Variants in FBXO3 observed in about 807,000 individuals in gnomAD.
FBXO3 encodes F-box only protein 3.
In FBXO3, 17 loss-of-function variants were observed where a neutral mutation model predicts 64.8. The ratio of observed to expected loss-of-function variants is 0.26; its 90% CI spans 0.18 to 0.39. The LOEUF (loss-of-function observed/expected upper bound fraction) is 0.39, where lower values mean the gene tolerates loss of function less well. Ranked by LOEUF, FBXO3 falls within the 10% of genes least tolerant of loss-of-function variation. The probability of loss-of-function intolerance (pLI) is 1.00; values close to 1 mark genes in which losing one functional copy is unlikely to be tolerated. For synonymous variants in FBXO3, 182 were observed against 201.6 expected (o/e 0.90, Z 0.82); for missense variants, 420 against 589.9 (o/e 0.71, Z 2.98).
chr11:33,755,641 TAGAG>T, intron 5 of FBXO3, 126 bp downstream of exon 5: 1 of 692,858 alleles, frequency 1.4e-6, no homozygotes, highest in Non-Finnish European at 2.5e-6. Flanking sequence ...TAACTCTAGT[TAGAG>T]AGGTCTATAA....
intron 5 of FBXO3, among the ~76,000 whole-genome samples, chr11:33,755,373 C>T (rs189506708): frequency 9.7e-4 from 147 of 152,164 alleles, no homozygotes; most frequent in African/African-American, 3.4e-3. Flanking sequence ...CTACATTTTT[C>T]GATACATCAA....
chr11:33,769,131 C>T (rs1352064480), intron 2 of FBXO3, 117 bp from the exon 3 acceptor site: 3 of 897,398 alleles, frequency 3.3e-6, no homozygotes, highest in Non-Finnish European at 4.7e-6. Flanking sequence ...TATATTTTAG[C>T]CACAAATGAA....
intron 3 of FBXO3, among the ~76,000 whole-genome samples, chr11:33,763,009 A>T (rs1326454420): frequency 2.0e-5 from 3 of 152,236 alleles, no homozygotes; most frequent in Admixed American, 2.0e-4. Flanking sequence ...ATTTGAAAAT[A>T]GATGAAGTGG....
chr11:33,770,002 T>C (rs945808304), intron 2 of FBXO3, among the ~76,000 whole-genome samples: 12 of 152,256 alleles, frequency 7.9e-5, no homozygotes, highest in Middle Eastern at 3.4e-3. Context: ...GTCCAACTCC[T>C]CAAAGGAAAT....
At chr11:33,757,681 A>AAAAAAAAAAAAAAAAAATT (rs1564990642) in intron 4 of FBXO3, among the ~76,000 whole-genome samples, 1 of 143,184 alleles carries the variant, frequency 7.0e-6, no homozygotes, top group East Asian at 2.0e-4. Context: ...AAAAAAAAAA[A>AAAAAAAAAAAAAAAAAATT]GTCTGGGTGG....
At chr11:33,763,120 C>A in intron 3 of FBXO3, 1 of 208,170 alleles carries the variant, frequency 4.8e-6, no homozygotes. Flanking sequence ...TAATTTAAAA[C>A]TTTCCTACAA....
At chr11:33,759,766 T>TA (rs928170881) in intron 3 of FBXO3, among the ~76,000 whole-genome samples, 4 of 73,528 alleles carry the variant, frequency 5.4e-5, no homozygotes, top group African/African-American at 1.2e-4. Flanking sequence ...TTATTGGAGT[T>TA]AGTAAACATG....
chr11:33,772,102 G>A (rs1301240592), intron 1 of FBXO3: 1 of 152,114 alleles, frequency 6.6e-6, no homozygotes, highest in Non-Finnish European at 1.5e-5. Context: ...AAATGGAGAG[G>A]GTATCAGATC....
rs1165245606 is a variant in FBXO3 at position 33,741,273 on chromosome 11, A to T, written c.*635T>A. The T allele has an allele frequency of 6.5e-6, 1 of 152,694 alleles. No individual in the cohort carries two copies. The highest frequency in any genetic ancestry group is 1.5e-5 in the Non-Finnish European group (1 of 68,046). The allele number at this position is 152,694 out of a possible 1,614,324, so 9.5% of individuals were successfully genotyped here. The stretch of plus-strand genomic sequence containing the variant: ...CATAGTGTTGAAGACTTTAAATTAA[A>T]TCCAAGGTCATCATGTTGAAGACCT... On this transcript the variant is annotated 3_prime_UTR_variant, in exon 11 of 11. Coordinates refer to ENST00000265651, the MANE Select transcript of FBXO3 (RefSeq NM_012175.4).
chr11:33,764,060 A>T (rs1163342781), intron 3 of FBXO3, among the ~76,000 whole-genome samples: 3 of 152,208 alleles, frequency 2.0e-5, no homozygotes, highest in Non-Finnish European at 4.4e-5. Flanking sequence ...ACTCATAGAG[A>T]CATCAACAAT....
chr11:33,765,103 A>G (rs1245612417), intron 3 of FBXO3, among the ~76,000 whole-genome samples: 1 of 152,238 alleles, frequency 6.6e-6, no homozygotes, highest in African/African-American at 2.4e-5. Context: ...GAACAGAAAA[A>G]GGACAATAAT....
chr11:33,767,694 A>T (rs1164424055), intron 3 of FBXO3: 2 of 152,330 alleles, frequency 1.3e-5, no homozygotes, highest in Admixed American at 6.5e-5. Flanking sequence ...AAATGGAGTA[A>T]TACTCAAGAA....
At chr11:33,756,877 A>G (rs1855110093) in intron 4 of FBXO3, among the ~76,000 whole-genome samples, 1 of 152,102 alleles carries the variant, frequency 6.6e-6, no homozygotes, top group Non-Finnish European at 1.5e-5. Context: ...GCATGCTACC[A>G]AGTCTGGCAA....
At chr11:33,752,176 G>A (rs1482264918) in intron 6 of FBXO3, among the ~76,000 whole-genome samples, 3 of 152,042 alleles carry the variant, frequency 2.0e-5, no homozygotes, top group East Asian at 1.9e-4. Context: ...ATTGCACAGC[G>A]GTCCTCCATC....
chr11:33,755,341 A>G (rs1166455157), intron 5 of FBXO3, among the ~76,000 whole-genome samples: 4 of 152,254 alleles, frequency 2.6e-5, no homozygotes, highest in African/African-American at 9.6e-5. Flanking sequence ...CATTAAAACA[A>G]TAAAAGTCTC....
intron 4 of FBXO3, chr11:33,757,178 C>A: frequency 2.2e-6 from 1 of 452,948 alleles, no homozygotes; most frequent in Non-Finnish European, 4.4e-6. Context: ...AAGAACAGTG[C>A]AAAGTTCTCC....
chr11:33,757,687 G>A (rs1196224250), intron 4 of FBXO3, among the ~76,000 whole-genome samples: 9 of 63,734 alleles, frequency 1.4e-4, no homozygotes, highest in Non-Finnish European at 3.5e-4. Context: ...AAAAAGTCTG[G>A]GTGGTTTGCA....
At chr11:33,744,315 A>G (rs1482949391) in intron 10 of FBXO3, 2 of 152,198 alleles carry the variant, frequency 1.3e-5, no homozygotes, top group Non-Finnish European at 2.9e-5. Flanking sequence ...AAAAAAGTGT[A>G]CACACACAAA....
intron 10 of FBXO3, chr11:33,742,384 GC>G: frequency 5.4e-6 from 1 of 185,946 alleles, no homozygotes; most frequent in Non-Finnish European, 1.1e-5. Flanking sequence ...GCCTAGGCTA[GC>G]CTCAAACTCC....
Sources: gnomAD v4.1 joint callset for allele counts (sites outside exome capture counted in the v4.1 genomes callset) on GRCh38, gnomAD v4.1.1 for gene constraint, MANE v1.5 for transcripts, NCBI Gene and HGNC (gene_info 2026-07-23, HGNC 2026-07-21) for gene names.